The following RNF4 variants were observed in gnomAD, a reference collection of about 807,000 sequenced individuals.
The protein encoded by RNF4 is E3 ubiquitin-protein ligase RNF4.
In RNF4, 7 loss-of-function variants were observed where a neutral mutation model predicts 24.3. That is an observed-to-expected ratio of 0.29 (90% CI 0.16 to 0.54). RNF4 has a LOEUF of 0.54. Among genes scored for constraint, RNF4 ranks in the 20% least tolerant of loss-of-function variants. The probability of loss-of-function intolerance (pLI) is 0.95; values close to 1 mark genes in which losing one functional copy is unlikely to be tolerated. For synonymous variants in RNF4, 83 were observed against 84.3 expected (o/e 0.98, Z 0.09); for missense variants, 209 against 248.5 (o/e 0.84, Z 1.07).
chr4:2,512,666 C>G lies in RNF4; in HGVS notation c.374+69C>G. ...GGGGCCAGGGCATGGGAATACTTTT[C>G]AGCAAATCTGTGAGCCCTTGGCCCT... is the stretch of plus-strand genomic sequence containing the variant. On this transcript the variant is annotated intron_variant, in intron 6 of 7. Transcript: ENST00000314289. This position sits in a 1 kb window ranked among gnomAD's most constrained non-coding sequence, Gnocchi z 4.1. 1 of 1,561,864 alleles carries G rather than the reference C, an allele frequency of 6.4e-7. No homozygotes were observed. Among genetic ancestry groups the G allele is most frequent in the South Asian group, 1.2e-5 (1 of 84,244 alleles).
At chr4:2,479,175 G>A (rs1414540298) in intron 1 of RNF4, among the ~76,000 whole-genome samples, 2 of 152,220 alleles carry the variant, frequency 1.3e-5, no homozygotes, top group Non-Finnish European at 2.9e-5. Context: ...TGGAATGGCT[G>A]TATTTACCCA....
At chr4:2,510,241 C>G (rs1020977301) in intron 4 of RNF4, among the ~76,000 whole-genome samples, 1 of 152,326 alleles carries the variant, frequency 6.6e-6, no homozygotes, top group African/African-American at 2.4e-5. Context: ...CTAATTATTC[C>G]TAAGCTTAGT....
chr4:2,506,980 A>G (rs146080717), intron 4 of RNF4, among the ~76,000 whole-genome samples: 78 of 152,330 alleles, frequency 5.1e-4, no homozygotes, highest in African/African-American at 1.9e-3. Context: ...GAGATTCTTT[A>G]AGGGGAAGGT....
At chr4:2,484,505 A>G (rs1478494493) in intron 1 of RNF4, among the ~76,000 whole-genome samples, 1 of 151,864 alleles carries the variant, frequency 6.6e-6, no homozygotes, top group Non-Finnish European at 1.5e-5. Context: ...TTCATTTAGA[A>G]TTTTTCAACT....
At position 2,512,792 on chromosome 4, in the gene RNF4, G is replaced by A. The variant is rs541730368; in HGVS notation, c.374+195G>A. Among the ~76,000 whole-genome samples, 100 of 152,304 alleles carry A rather than the reference G, an allele frequency of 6.6e-4. No homozygotes were observed. In the East Asian group the frequency reaches 0.013, roughly 20 times the overall value. On this transcript the variant is annotated intron_variant, in intron 6 of 7. Coordinates refer to ENST00000314289, the MANE Select transcript of RNF4 (RefSeq NM_002938.5). This position sits in a 1 kb window ranked among gnomAD's most constrained non-coding sequence, Gnocchi z 4.1. ...CCACTGTAACCAGAGGATGCCAAGC[G>A]CTGACACAGTGTGTGCAGACAGTCC...
Position 2,475,312 on chromosome 4 carries a change from C to T in RNF4, c.-158+6054C>T, listed in dbSNP as rs534925728. Among the ~76,000 whole-genome samples the T allele has an allele frequency of 4.5e-4, 68 of 151,426 alleles. 2 individuals carry two copies. In the Middle Eastern group the frequency reaches 0.01, roughly 23 times the overall value. The stretch of plus-strand genomic sequence containing the variant: ...TCCCAAGTAGCTGGGGCTACAGGCG[C>T]ACGCCACCGCACCTGGCTTTTTGTT... On this transcript the variant is annotated intron_variant, in intron 1 of 7. Coordinates refer to ENST00000314289, the MANE Select transcript of RNF4 (RefSeq NM_002938.5).
intron 1 of RNF4, among the ~76,000 whole-genome samples, chr4:2,486,720 T>A (rs1210595933): frequency 6.6e-6 from 1 of 152,160 alleles, no homozygotes; most frequent in Non-Finnish European, 1.5e-5. Flanking sequence ...TTTGGAAGCC[T>A]CAATATCAGT....
intron 1 of RNF4, among the ~76,000 whole-genome samples, chr4:2,473,200 G>A (rs1354099825): frequency 6.6e-6 from 1 of 151,804 alleles, no homozygotes; most frequent in Non-Finnish European, 1.5e-5. Context: ...TGCCCAACAT[G>A]GTGAAACCCC....
At chr4:2,496,839 C>T (rs974241472) in intron 2 of RNF4, among the ~76,000 whole-genome samples, 168 bp from the exon 3 acceptor site, 1 of 152,184 alleles carries the variant, frequency 6.6e-6, no homozygotes, top group Non-Finnish European at 1.5e-5. Flanking sequence ...GTTTCTCTCT[C>T]CGTAAGCATT....
chr4:2,482,018 C>G (rs1347878577), intron 1 of RNF4, among the ~76,000 whole-genome samples: 1 of 152,216 alleles, frequency 6.6e-6, no homozygotes, highest in Non-Finnish European at 1.5e-5. Flanking sequence ...GATTTCTCCA[C>G]CAAGATGCAA....
intron 4 of RNF4, among the ~76,000 whole-genome samples, chr4:2,504,661 C>T (rs1736015911): frequency 1.3e-5 from 2 of 150,852 alleles, no homozygotes; most frequent in South Asian, 4.2e-4. Context: ...CGCCATTCTC[C>T]TGCCTCAGCC....
chr4:2,503,075 T>G (rs921199502), intron 4 of RNF4, among the ~76,000 whole-genome samples: 3 of 152,108 alleles, frequency 2.0e-5, no homozygotes, highest in African/African-American at 7.2e-5. Context: ...AGGGTCTCAC[T>G]GTGATGCCCA....
chr4:2,498,673 A>T (rs1456925763), intron 3 of RNF4, among the ~76,000 whole-genome samples: 1 of 152,184 alleles, frequency 6.6e-6, no homozygotes. Flanking sequence ...AAACTTTATG[A>T]TACAAGAAAA....
At chr4:2,493,747 A>G (rs1475070982) in intron 2 of RNF4, among the ~76,000 whole-genome samples, 8 of 150,380 alleles carry the variant, frequency 5.3e-5, no homozygotes, top group African/African-American at 2.0e-4. Context: ...CCGTCTTAAA[A>G]AAAAAAAAAA....
intron 4 of RNF4, chr4:2,505,482 C>CT (rs1736060185): frequency 3.3e-5 from 5 of 151,670 alleles, no homozygotes; most frequent in African/African-American, 1.2e-4. Context: ...CCCGCCACCA[C>CT]ACCCGGCTAA....
chr4:2,479,379 CA>C (rs1203683143), intron 1 of RNF4, among the ~76,000 whole-genome samples: 1 of 152,008 alleles, frequency 6.6e-6, no homozygotes, highest in South Asian at 2.1e-4. Flanking sequence ...TGGGAGGGGC[CA>C]GGGGTGGAAT....
intron 1 of RNF4, chr4:2,480,307 C>CT (rs1735209347): frequency 7.1e-6 from 1 of 141,268 alleles, no homozygotes; most frequent in Non-Finnish European, 1.5e-5. Context: ...AAGTCTCAGT[C>CT]TGTCACCCAG....
chr4:2,504,535 T>TATTC (rs1472800681), intron 4 of RNF4, among the ~76,000 whole-genome samples: 6 of 143,878 alleles, frequency 4.2e-5, no homozygotes, highest in Non-Finnish European at 6.1e-5. Context: ...TTTATTTATT[T>TATTC]ATTTATTTAT....
intron 3 of RNF4, 156 bp downstream of exon 3, chr4:2,497,277 T>C (rs535591942): frequency 1.6e-5 from 9 of 552,500 alleles, no homozygotes; most frequent in Admixed American, 3.6e-5. Context: ...GATTCTGAAA[T>C]AGCTTCTCAA....
Sources: allele counts gnomAD v4.1 joint callset (sites outside exome capture counted in the v4.1 genomes callset), GRCh38; gene constraint gnomAD v4.1.1; non-coding constraint Gnocchi (gnomAD v3.1); transcripts MANE v1.5; gene names NCBI Gene and HGNC (gene_info 2026-07-23, HGNC 2026-07-21).